The following PTPN4 variants were observed in gnomAD, a reference collection of about 807,000 sequenced individuals.
The protein encoded by PTPN4 is tyrosine-protein phosphatase non-receptor type 4.
Under a neutral mutation model 135.5 loss-of-function variants are expected in PTPN4, and 49 were observed. The observed-to-expected ratio is 0.36, with a 90% CI of 0.29 to 0.46. The LOEUF is 0.46. Among genes scored for constraint, PTPN4 ranks in the 20% least tolerant of loss-of-function variants. The pLI is 1.00. For synonymous variants in PTPN4, 333 were observed against 369.9 expected (o/e 0.90, Z 1.14); for missense variants, 860 against 1,101.0 (o/e 0.78, Z 3.10).
intron 26 of PTPN4, among the ~76,000 whole-genome samples, chr2:119,970,012 A>G (rs1679506472): frequency 6.6e-6 from 1 of 152,134 alleles, no homozygotes; most frequent in African/African-American, 2.4e-5. Flanking sequence ...GGTTTTGTGT[A>G]TTACAGAGGC....
At chr2:119,976,959 C>T in intron 26 of PTPN4, 25 bp from the exon 27 acceptor site, 1 of 1,594,680 alleles carries the variant, frequency 6.3e-7, no homozygotes, top group Non-Finnish European at 8.5e-7. Context: ...CTGATCAGTT[C>T]TGTTTTTTAT....
intron 3 of PTPN4, among the ~76,000 whole-genome samples, chr2:119,864,077 T>G (rs1310913369): frequency 6.6e-6 from 1 of 152,106 alleles, no homozygotes; most frequent in Admixed American, 6.5e-5. Context: ...AAGGTTCAAG[T>G]TTTTAAAGAA....
intron 1 of PTPN4, among the ~76,000 whole-genome samples, chr2:119,762,359 A>G (rs369307958): frequency 6.6e-6 from 1 of 151,890 alleles, no homozygotes; most frequent in African/African-American, 2.4e-5. Flanking sequence ...TTTAACTTGT[A>G]TGACTTCGTT....
chr2:119,964,837 C>T (rs1262992576), intron 24 of PTPN4, among the ~76,000 whole-genome samples: 1 of 152,062 alleles, frequency 6.6e-6, no homozygotes, highest in African/African-American at 2.4e-5. Flanking sequence ...TCTAAAATTC[C>T]AATGACATGA....
intron 3 of PTPN4, among the ~76,000 whole-genome samples, chr2:119,871,584 C>T (rs1677910914): frequency 6.6e-6 from 1 of 151,950 alleles, no homozygotes; most frequent in Non-Finnish European, 1.5e-5. Flanking sequence ...AGGTGTACCA[C>T]AGCATTATAA....
At chr2:119,858,642 T>A (rs1281333353) in intron 2 of PTPN4, among the ~76,000 whole-genome samples, 1 of 151,964 alleles carries the variant, frequency 6.6e-6, no homozygotes, top group Non-Finnish European at 1.5e-5. Flanking sequence ...TTTCAGTCTG[T>A]TTTTTCTGTT....
chr2:119,784,971 G>T lies in PTPN4; in HGVS notation c.-18+24587G>T, dbSNP rs1183343988. Among the ~76,000 whole-genome samples the T allele has an allele frequency of 2.6e-5, 4 of 151,362 alleles. No homozygotes were observed. The East Asian group carries it at 5.8e-4, about 22-fold the overall frequency. ...CATTTTATGATACTGAGGAGGAAAAGAAACACCTCTAAACTTCCTCTTATA... is the reference window on the plus strand; with the variant it reads ...CATTTTATGATACTGAGGAGGAAAATAAACACCTCTAAACTTCCTCTTATA... On this transcript the variant is annotated intron_variant, in intron 1 of 26. Coordinates refer to ENST00000263708, the MANE Select transcript of PTPN4 (RefSeq NM_002830.4).
Position 119,955,157 on chromosome 2 carries a change from C to A in PTPN4, c.1814C>A (p.Ala605Asp). The A allele has an allele frequency of 6.4e-7, 1 of 1,562,172 alleles. No individual in the cohort carries two copies. Among genetic ancestry groups the A allele is most frequent in the Admixed American group, 2.0e-5 (1 of 49,094 alleles). ...GGTTTGTTTGATTTTTTTTTTTTAG[C>A]TGTATATGATGTAGTGGAAGAAAAG... Reference protein sequence around the residue: ...GELMLLVRPNAVYDVVEEKLE... With the variant: ...GELMLLVRPNDVYDVVEEKLE... Residue 605 changes from alanine to aspartate, a missense_variant and splice_region_variant, in exon 20 of 27, where the codon GCT becomes GAT. Physicochemically the swap from Ala to Asp is moderately radical, Grantham distance 126. Coordinates refer to ENST00000263708, the MANE Select transcript of PTPN4 (RefSeq NM_002830.4).
At chr2:119,761,944 A>C (rs968224110) in intron 1 of PTPN4, among the ~76,000 whole-genome samples, 8 of 152,192 alleles carry the variant, frequency 5.3e-5, no homozygotes, top group Non-Finnish European at 1.0e-4. Context: ...CTAACATCTT[A>C]GCTTCAGAGC....
chr2:119,862,091 A>G (rs1426949291), intron 2 of PTPN4, among the ~76,000 whole-genome samples: 1 of 152,216 alleles, frequency 6.6e-6, no homozygotes, highest in Non-Finnish European at 1.5e-5. Context: ...ATATAGATAT[A>G]TGCATGAGTT....
chr2:119,814,284 G>A (rs1393342599), intron 2 of PTPN4, among the ~76,000 whole-genome samples: 2 of 152,094 alleles, frequency 1.3e-5, no homozygotes, highest in African/African-American at 4.8e-5. Context: ...TACAATACAG[G>A]CAGTATAATC....
intron 1 of PTPN4, among the ~76,000 whole-genome samples, chr2:119,760,733 C>CTTTTTT (rs59953430): frequency 0.013 from 1,025 of 79,890 alleles, 94 homozygotes; most frequent in African/African-American, 0.047. Flanking sequence ...GGTAGAATTC[C>CTTTTTT]TTTTTTTTTT....
At chr2:119,831,234 T>C (rs1332273260) in intron 2 of PTPN4, among the ~76,000 whole-genome samples, 2 of 152,182 alleles carry the variant, frequency 1.3e-5, no homozygotes, top group Non-Finnish European at 2.9e-5. Flanking sequence ...TAGACAGTAA[T>C]GCTTGCTAGC....
intron 1 of PTPN4, among the ~76,000 whole-genome samples, chr2:119,765,571 A>G (rs779831709): frequency 3.9e-5 from 6 of 152,246 alleles, no homozygotes; most frequent in Non-Finnish European, 7.3e-5. Context: ...ACATTCCTTT[A>G]TATGTTAAGC....
In PTPN4 at chr2:119,871,000, A is replaced by G. The variant is rs377315823; in HGVS notation, c.247-6323A>G. On this transcript the variant is annotated intron_variant, in intron 3 of 26. Transcript: ENST00000263708. ...TTGCAACATATGTAACATAATATTAAAATCTAGAAGAGCTTCTACAAATAA... is the reference window on the plus strand; with the variant it reads ...TTGCAACATATGTAACATAATATTAGAATCTAGAAGAGCTTCTACAAATAA... Among the ~76,000 whole-genome samples the G allele has an allele frequency of 1.1e-4, 16 of 152,032 alleles. 1 individual carries two copies. The South Asian group carries it at 3.1e-3, about 30-fold the overall frequency.
intron 1 of PTPN4, among the ~76,000 whole-genome samples, chr2:119,763,065 ATCT>A (rs1690539937): frequency 6.6e-6 from 1 of 152,134 alleles, no homozygotes; most frequent in African/African-American, 2.4e-5. Context: ...ATACCGTAGA[ATCT>A]TCTTTATTGA....
chr2:119,916,015 A>T (rs975667163), intron 11 of PTPN4: 1 of 150,632 alleles, frequency 6.6e-6, no homozygotes, highest in African/African-American at 2.4e-5. Context: ...ACATAGTGAG[A>T]CACTGTCTCT....
chr2:119,912,569 A>T (rs1363012424), intron 10 of PTPN4, among the ~76,000 whole-genome samples: 2 of 152,176 alleles, frequency 1.3e-5, no homozygotes, highest in African/African-American at 2.4e-5. Context: ...ATGATTACAT[A>T]ATTGGCATTC....
chr2:119,859,262 T>A (rs1243094273), intron 2 of PTPN4, among the ~76,000 whole-genome samples: 1 of 152,208 alleles, frequency 6.6e-6, no homozygotes, highest in African/African-American at 2.4e-5. Flanking sequence ...CTGTTGATTG[T>A]GTTTTCTTAT....
Sources: gnomAD v4.1 joint callset for allele counts (sites outside exome capture counted in the v4.1 genomes callset) on GRCh38, gnomAD v4.1.1 for gene constraint, MANE v1.5 for transcripts, NCBI Gene and HGNC (gene_info 2026-07-23, HGNC 2026-07-21) for gene names.